RAPGEF1: variants seen among roughly 807,000 people sequenced by gnomAD.
The protein encoded by RAPGEF1 is Rap guanine nucleotide exchange factor 1.
In RAPGEF1, 33 loss-of-function variants were observed where a neutral mutation model predicts 143.3. The observed-to-expected ratio is 0.23, with a 90% confidence interval of 0.17 to 0.31. The LOEUF (loss-of-function observed/expected upper bound fraction) is 0.31. Ranked by LOEUF, RAPGEF1 falls within the 10% of genes least tolerant of loss-of-function variation. The pLI is 1.00. For synonymous variants in RAPGEF1, 629 were observed against 676.5 expected (o/e 0.93, Z 1.09); for missense variants, 1,199 against 1,645.4 (o/e 0.73, Z 4.69).
In RAPGEF1 at chr9:131,621,706, G is replaced by T; in HGVS notation, c.1905+90C>A. ...CAGGGCCCTGCCACAGCAGGGAGGA[G>T]GGTTAACCCTGCCCCCAAGGAGGGT... On this transcript the variant is annotated intron_variant, in intron 11 of 26. Coordinates refer to ENST00000683357, the MANE Select transcript of RAPGEF1 (RefSeq NM_001377935.1). The surrounding 1 kb of genome is among the most constrained non-coding windows in gnomAD (Gnocchi z 4.5). 1 of 1,341,560 alleles carries T rather than the reference G, an allele frequency of 7.5e-7. No homozygotes were observed. The highest frequency in any genetic ancestry group is 1.0e-6 in the Non-Finnish European group (1 of 974,082). 83.1% of individuals were successfully genotyped at this position (1,341,560 alleles called of 1,614,324 possible).
intron 12 of RAPGEF1, among the ~76,000 whole-genome samples, chr9:131,612,306 G>A (rs996425169): frequency 2.6e-5 from 4 of 152,134 alleles, no homozygotes; most frequent in Non-Finnish European, 5.9e-5. Flanking sequence ...GTACAACCAC[G>A]GCCAGGTGCT....
chr9:131,668,919 G>GTT (rs1483519725), intron 1 of RAPGEF1, among the ~76,000 whole-genome samples: 1 of 152,236 alleles, frequency 6.6e-6, no homozygotes, highest in East Asian at 1.9e-4. Context: ...CCGTGGCTCA[G>GTT]AGGAACCTGC....
chr9:131,698,076 ATC>A (rs1834328245), intron 1 of RAPGEF1, among the ~76,000 whole-genome samples: 2 of 152,206 alleles, frequency 1.3e-5, no homozygotes, highest in Admixed American at 1.3e-4. Flanking sequence ...AGAGACATGA[ATC>A]TGTGTCAATA....
intron 9 of RAPGEF1, 91 bp from the exon 10 acceptor site, chr9:131,626,513 C>G: frequency 7.4e-7 from 1 of 1,342,842 alleles, no homozygotes; most frequent in Non-Finnish European, 1.0e-6. Flanking sequence ...CCGGCTCGCT[C>G]ATGGGTGTGT....
At chr9:131,717,051 G>A (rs2131254099) in intron 1 of RAPGEF1, among the ~76,000 whole-genome samples, 1 of 152,220 alleles carries the variant, frequency 6.6e-6, no homozygotes, top group African/African-American at 2.4e-5. Context: ...GGGTCCCACA[G>A]CCTCGGGTCC....
In RAPGEF1 at chr9:131,588,062, T is replaced by A. The variant is rs780071074; in HGVS notation, c.3054-36A>T. The A allele has an allele frequency of 4.5e-6, 7 of 1,565,526 alleles. No individual in the cohort carries two copies. The South Asian group carries it at 4.5e-5, about 10-fold the overall frequency. ...GAGGTGTGAGAAGAGCCGTCAGGGG[T>A]GGGGAGGCCGGTGGGGAGGGCTGAG... On this transcript the variant is annotated intron_variant, in intron 20 of 26. Coordinates refer to ENST00000683357, the MANE Select transcript of RAPGEF1 (RefSeq NM_001377935.1).
chr9:131,707,171 C>T (rs955914648), intron 1 of RAPGEF1, among the ~76,000 whole-genome samples: 1 of 152,200 alleles, frequency 6.6e-6, no homozygotes, highest in African/African-American at 2.4e-5. Flanking sequence ...GACACCAGCC[C>T]ACACGGTGCT....
At position 131,686,050 on chromosome 9, in the gene RAPGEF1, G is replaced by T. The variant is rs556042239; in HGVS notation, c.62-35101C>A. Among the ~76,000 whole-genome samples the T allele has an allele frequency of 5.3e-5, 8 of 152,226 alleles. No individual in the cohort carries two copies. In the South Asian group the frequency reaches 1.0e-3, roughly 20 times the overall value. On this transcript the variant is annotated intron_variant, in intron 1 of 26. Coordinates refer to ENST00000683357, the MANE Select transcript of RAPGEF1 (RefSeq NM_001377935.1). ...ATCTCACCTCACTGATACGATTCTGGTGTTTAAAGGTAACAATTTTCTTTT... is the reference window on the plus strand; with the variant it reads ...ATCTCACCTCACTGATACGATTCTGTTGTTTAAAGGTAACAATTTTCTTTT...
At chr9:131,596,944 C>G (rs976669078) in intron 16 of RAPGEF1, among the ~76,000 whole-genome samples, 25 of 152,326 alleles carry the variant, frequency 1.6e-4, no homozygotes, top group African/African-American at 5.5e-4. Flanking sequence ...GCATTACAGA[C>G]AGAAATATTC....
chr9:131,736,097 T>G (rs181168303), intron 1 of RAPGEF1, among the ~76,000 whole-genome samples: 3 of 152,240 alleles, frequency 2.0e-5, no homozygotes, highest in Non-Finnish European at 4.4e-5. Flanking sequence ...CCATGTTCAT[T>G]TGTTCTCCAA....
chr9:131,690,302 G>C (rs961744751), intron 1 of RAPGEF1, among the ~76,000 whole-genome samples: 2 of 152,200 alleles, frequency 1.3e-5, no homozygotes, highest in African/African-American at 4.8e-5. Flanking sequence ...TTCTACAGTA[G>C]AGTGACGGTT....
rs145233394 is a variant in RAPGEF1, at chr9:131,656,688, C to T, written c.62-5739G>A. Among the ~76,000 whole-genome samples the T allele has an allele frequency of 4.5e-4, 68 of 152,302 alleles. No individual in the cohort carries two copies. In the East Asian group the frequency reaches 9.3e-3, roughly 21 times the overall value. On this transcript the variant is annotated intron_variant, in intron 1 of 26. Coordinates refer to ENST00000683357, the MANE Select transcript of RAPGEF1 (RefSeq NM_001377935.1). ...ATTCACAACTGCGCCGTCATGACCA[C>T]GGCGGAACTGGGGTAGACAAGTGAG... is the stretch of plus-strand genomic sequence containing the variant.
intron 17 of RAPGEF1, among the ~76,000 whole-genome samples, chr9:131,593,516 G>C (rs3780266): frequency 0.27 from 40,613 of 152,164 alleles, 6,598 homozygotes; most frequent in Non-Finnish European, 0.37. Flanking sequence ...TCTGGACATA[G>C]ACCACCTGCT....
chr9:131,663,061 C>T (rs1199833691), intron 1 of RAPGEF1, among the ~76,000 whole-genome samples: 1 of 152,034 alleles, frequency 6.6e-6, no homozygotes, highest in Non-Finnish European at 1.5e-5. Context: ...CACCTAGATT[C>T]GTCAACCGTT....
chr9:131,653,333 T>G (rs1334227368), intron 1 of RAPGEF1, among the ~76,000 whole-genome samples: 1 of 152,262 alleles, frequency 6.6e-6, no homozygotes, highest in Non-Finnish European at 1.5e-5. Context: ...ATTTTTATTG[T>G]TTTTCCCTGT....
At chr9:131,632,643 C>T (rs978350011) in intron 5 of RAPGEF1, among the ~76,000 whole-genome samples, 4 of 152,114 alleles carry the variant, frequency 2.6e-5, no homozygotes, top group African/African-American at 7.2e-5. Context: ...CTGACCATTA[C>T]GTTGTTATTA....
intron 1 of RAPGEF1, among the ~76,000 whole-genome samples, chr9:131,722,915 C>T (rs1027351405): frequency 6.6e-6 from 1 of 151,516 alleles, no homozygotes; most frequent in African/African-American, 2.4e-5. Flanking sequence ...GGGCGGGGGG[C>T]AGGCATGGTG....
At chr9:131,690,343 G>A (rs779344939) in intron 1 of RAPGEF1, among the ~76,000 whole-genome samples, 1 of 152,162 alleles carries the variant, frequency 6.6e-6, no homozygotes, top group Non-Finnish European at 1.5e-5. Flanking sequence ...AACATTAGAG[G>A]ACAAAACAGA....
chr9:131,585,477 G>A (rs953669902), intron 22 of RAPGEF1, among the ~76,000 whole-genome samples: 27 of 152,314 alleles, frequency 1.8e-4, no homozygotes, highest in African/African-American at 6.3e-4. Context: ...CACTGCACTC[G>A]CACCTCTGTG....
Sources: gnomAD v4.1 joint callset for allele counts (sites outside exome capture counted in the v4.1 genomes callset) on GRCh38, gnomAD v4.1.1 for gene constraint, Gnocchi (gnomAD v3.1) non-coding constraint, MANE v1.5 for transcripts, NCBI Gene and HGNC (gene_info 2026-07-23, HGNC 2026-07-21) for gene names.